The following CALCRL variants were observed in gnomAD, a reference collection of about 807,000 sequenced individuals.
The protein encoded by CALCRL is calcitonin gene-related peptide type 1 receptor.
CALCRL carries 27 observed loss-of-function variants against 60.4 expected under a neutral mutation model. The observed-to-expected ratio is 0.45, with a 90% CI of 0.33 to 0.62. The LOEUF (loss-of-function observed/expected upper bound fraction) is 0.62, where lower values mean the gene tolerates loss of function less well. Ranked by LOEUF, CALCRL falls within the 20% of genes least tolerant of loss-of-function variation. The probability of loss-of-function intolerance (pLI) is 0.03; values close to 1 mark genes in which losing one functional copy is unlikely to be tolerated. For missense variants in CALCRL, 424 were observed against 540.7 expected (o/e 0.78, Z 2.14); for synonymous variants, 190 against 182.6 (o/e 1.04, Z -0.33).
Position 187,385,587 on chromosome 2 carries a change from T to C in CALCRL, c.9A>G (p.Lys3=), listed in dbSNP as rs755189230. The change falls in exon 4 of 15, where the codon AAA becomes AAG. Residue 3 remains lysine (K), a synonymous_variant. Transcript: ENST00000392370. ME[K]KCTLYFLVLL... ...GAACCAGAAAATACAGGGTACACTT[T>C]TTCTCCATCATTAAGCCAAAATGAA... is the stretch of plus-strand genomic sequence containing the variant. The C allele has an allele frequency of 1.9e-6, 3 of 1,566,044 alleles. No individual in the cohort carries two copies. Among genetic ancestry groups the C allele is most frequent in the South Asian group, 2.3e-5 (2 of 87,322 alleles).
At chr2:187,401,585 T>C (rs781146271) in intron 1 of CALCRL, among the ~76,000 whole-genome samples, 25 of 151,644 alleles carry the variant, frequency 1.6e-4, no homozygotes, top group Non-Finnish European at 3.0e-4. Flanking sequence ...GGAAAAGATC[T>C]ATATACATAC....
In CALCRL at chr2:187,360,725, A is replaced by C. The variant is rs371429812; in HGVS notation, c.654T>G (p.Ile218Met). 2 of 1,611,758 alleles carry C rather than the reference A, an allele frequency of 1.2e-6. No individual in the cohort carries two copies. The highest frequency in any genetic ancestry group is 1.7e-4 in the Middle Eastern group (1 of 6,050). The part of the protein sequence containing the change: ...NPVSCKVSQF[I>M]HLYLMGCNYF... Reference sequence around the variant, plus strand: ...AATTACAGCCCATCAGGTAAAGATGAATGAACTGGGACACTTTGCAACTAA... The same window carrying C: ...AATTACAGCCCATCAGGTAAAGATGCATGAACTGGGACACTTTGCAACTAA... Residue 218 changes from isoleucine (I) to methionine (M), a missense_variant, in exon 10 of 15, where the codon ATT becomes ATG. Physicochemically the swap from Ile to Met is conservative, Grantham distance 10. Around this residue, in one of 7 missense-constraint regions of CALCRL, gnomAD observed 43 missense variants for 40.9 expected, o/e 1.05. Transcript: ENST00000392370.
At chr2:187,380,621 C>T in intron 6 of CALCRL, 42 bp from the exon 7 acceptor site, 1 of 1,573,260 alleles carries the variant, frequency 6.4e-7, no homozygotes, top group Non-Finnish European at 8.7e-7. Context: ...ATTTAATTAA[C>T]CTAGGATTTA....
chr2:187,410,187 G>A (rs373722759), intron 1 of CALCRL, among the ~76,000 whole-genome samples: 3 of 152,144 alleles, frequency 2.0e-5, no homozygotes, highest in African/African-American at 7.2e-5. Context: ...TGGTGGATGT[G>A]GGAGAATCTG....
chr2:187,345,923 A>G lies in CALCRL; in HGVS notation c.*261T>C. The G allele has an allele frequency of 3.4e-6, 1 of 296,382 alleles. No individual in the cohort carries two copies. 18.4% of individuals were successfully genotyped at this position (296,382 alleles called of 1,614,324 possible). On this transcript the variant is annotated 3_prime_UTR_variant, in exon 15 of 15. Coordinates refer to ENST00000392370, the MANE Select transcript of CALCRL (RefSeq NM_005795.6). ...TGATTGTGCTTTTCTCCAATTCCAC[A>G]CTTGGTGATGTCAGGTTAGTAGCGT...
chr2:187,412,396 T>A (rs3771076), intron 1 of CALCRL, among the ~76,000 whole-genome samples: 55,793 of 151,930 alleles, frequency 0.37, 10,478 homozygotes, highest in Middle Eastern at 0.47. Context: ...GAGCATGGGC[T>A]CCAGTCTCAT....
At chr2:187,359,013 A>G in intron 12 of CALCRL, 50 bp downstream of exon 12, 1 of 1,437,876 alleles carries the variant, frequency 7.0e-7, no homozygotes, top group Non-Finnish European at 9.8e-7. Context: ...TGATTCAGAA[A>G]TAAAGTTGAA....
At chr2:187,381,860 C>A (rs1687999740) in intron 5 of CALCRL, among the ~76,000 whole-genome samples, 3 of 152,002 alleles carry the variant, frequency 2.0e-5, no homozygotes, top group Admixed American at 2.0e-4. Flanking sequence ...TTTATCTAGC[C>A]CTCATGAAAA....
intron 1 of CALCRL, among the ~76,000 whole-genome samples, chr2:187,444,071 C>T (rs1360366281): frequency 6.6e-6 from 1 of 151,534 alleles, no homozygotes; most frequent in Non-Finnish European, 1.5e-5. Flanking sequence ...ACTTATAAAC[C>T]ATCTAGTTGC....
At chr2:187,434,234 C>T (rs1219887073) in intron 1 of CALCRL, among the ~76,000 whole-genome samples, 2 of 152,032 alleles carry the variant, frequency 1.3e-5, no homozygotes, top group Non-Finnish European at 2.9e-5. Context: ...TTTTTGCTTT[C>T]CCTGGACCAC....
chr2:187,391,460 G>A (rs1318960342), intron 1 of CALCRL, among the ~76,000 whole-genome samples: 2 of 152,096 alleles, frequency 1.3e-5, no homozygotes, highest in Non-Finnish European at 2.9e-5. Context: ...GCCAGCCAGA[G>A]AATTTTTCCA....
At position 187,385,608 on chromosome 2, in the gene CALCRL, A is replaced by G. The variant is rs777601442; in HGVS notation, c.-13T>C. On this transcript the variant is annotated 5_prime_UTR_variant, in exon 4 of 15. Coordinates refer to ENST00000392370, the MANE Select transcript of CALCRL (RefSeq NM_005795.6). The stretch of plus-strand genomic sequence containing the variant: ...ACTTTTTCTCCATCATTAAGCCAAA[A>G]TGAAATATGCTGTATAACATAAACT... 6.4e-7 allele frequency: 1 copy of G among 1,555,712 alleles called. No homozygotes were observed. Among genetic ancestry groups the G allele is most frequent in the South Asian group, 1.2e-5 (1 of 86,466 alleles).
At chr2:187,429,352 T>G (rs1690301081) in intron 1 of CALCRL, among the ~76,000 whole-genome samples, 1 of 152,152 alleles carries the variant, frequency 6.6e-6, no homozygotes, top group Non-Finnish European at 1.5e-5. Flanking sequence ...GCTATTATCT[T>G]TAGGTCAGAG....
Position 187,349,080 on chromosome 2 carries a change from C to T in CALCRL, c.1171-2681G>A, listed in dbSNP as rs576553134. Among the ~76,000 whole-genome samples the T allele has an allele frequency of 2.6e-5, 4 of 151,702 alleles. No individual in the cohort carries two copies. The East Asian group carries it at 7.7e-4, about 29-fold the overall frequency. Reference sequence around the variant, plus strand: ...TTACGAAACTTTTATAAAAATTCTACGTAGTTCTCATGAAAGAATTTGGGT... The same window carrying T: ...TTACGAAACTTTTATAAAAATTCTATGTAGTTCTCATGAAAGAATTTGGGT... On this transcript the variant is annotated intron_variant, in intron 14 of 14. Coordinates refer to ENST00000392370, the MANE Select transcript of CALCRL (RefSeq NM_005795.6).
At chr2:187,382,459 A>G in intron 5 of CALCRL, among the ~76,000 whole-genome samples, 1 of 152,244 alleles carries the variant, frequency 6.6e-6, no homozygotes, top group African/African-American at 2.4e-5. Flanking sequence ...GAAGGCTTGG[A>G]AGGGTTTCAA....
intron 8 of CALCRL, 22 bp from the exon 9 acceptor site, chr2:187,363,524 T>G: frequency 2.6e-6 from 4 of 1,564,672 alleles, no homozygotes; most frequent in Non-Finnish European, 3.5e-6. Context: ...GAAAAACAAG[T>G]GTGTTGACAT....
intron 1 of CALCRL, among the ~76,000 whole-genome samples, chr2:187,446,385 A>G (rs1433928175): frequency 6.6e-6 from 1 of 151,680 alleles, no homozygotes; most frequent in Non-Finnish European, 1.5e-5. Flanking sequence ...AGTGTTTTTC[A>G]AAAGTATTTT....
intron 8 of CALCRL, among the ~76,000 whole-genome samples, chr2:187,365,930 G>A (rs1263667349): frequency 6.6e-6 from 1 of 152,152 alleles, no homozygotes; most frequent in African/African-American, 2.4e-5. Flanking sequence ...ATTTGTTAAA[G>A]GATACAAAAT....
At chr2:187,403,282 T>G (rs1228322441) in intron 1 of CALCRL, among the ~76,000 whole-genome samples, 2 of 151,826 alleles carry the variant, frequency 1.3e-5, no homozygotes, top group Non-Finnish European at 2.9e-5. Context: ...CAATCATGGG[T>G]ATCTGAGTGG....
Sources: allele counts gnomAD v4.1 joint callset (sites outside exome capture counted in the v4.1 genomes callset), GRCh38; gene constraint gnomAD v4.1.1; regional missense constraint gnomAD v4.1.1; transcripts MANE v1.5; gene names NCBI Gene and HGNC (gene_info 2026-07-23, HGNC 2026-07-21).